CAMSAP2: variants seen among roughly 807,000 people sequenced by gnomAD.
CAMSAP2 encodes the protein calmodulin-regulated spectrin-associated protein 2.
A neutral mutation model predicts 146.1 loss-of-function variants in CAMSAP2; 26 were observed. The observed-to-expected ratio is 0.18, with a 90% CI of 0.13 to 0.25. CAMSAP2 has a LOEUF of 0.25. CAMSAP2 is among the 10% of genes least tolerant of loss of function. CAMSAP2 has a pLI of 1.00. For synonymous variants in CAMSAP2, 499 were observed against 596.6 expected (o/e 0.84, Z 2.38); for missense variants, 1,381 against 1,759.3 (o/e 0.78, Z 3.85).
intron 4 of CAMSAP2, among the ~76,000 whole-genome samples, chr1:200,830,468 C>T (rs553813987): frequency 3.4e-4 from 52 of 152,322 alleles, no homozygotes; most frequent in African/African-American, 1.2e-3. Context: ...AGGCTGAAAA[C>T]AAACTACTAG....
At chr1:200,845,637 C>G (rs963887122) in intron 8 of CAMSAP2, among the ~76,000 whole-genome samples, 1 of 152,152 alleles carries the variant, frequency 6.6e-6, no homozygotes, top group Non-Finnish European at 1.5e-5. Flanking sequence ...TCTCAGGCAT[C>G]TCTACATCCA....
intron 1 of CAMSAP2, among the ~76,000 whole-genome samples, chr1:200,747,986 C>CAAAAAA (rs901478330): frequency 2.0e-4 from 14 of 68,770 alleles, no homozygotes; most frequent in African/African-American, 4.3e-4. Context: ...GACTCCGTCT[C>CAAAAAA]AAAAAAAAAA....
chr1:200,740,490 G>T (rs1664131958), intron 1 of CAMSAP2, among the ~76,000 whole-genome samples: 1 of 152,202 alleles, frequency 6.6e-6, no homozygotes, highest in Non-Finnish European at 1.5e-5. Context: ...CTTTAAGGCT[G>T]TATCAGCCTT....
chr1:200,800,342 G>T (rs1666001940), intron 2 of CAMSAP2, among the ~76,000 whole-genome samples: 1 of 152,116 alleles, frequency 6.6e-6, no homozygotes, highest in African/African-American at 2.4e-5. Context: ...ATGAATCTGG[G>T]TGCTCCTGTA....
chr1:200,784,628 T>C (rs1462348627), intron 2 of CAMSAP2, among the ~76,000 whole-genome samples: 2 of 152,226 alleles, frequency 1.3e-5, no homozygotes, highest in African/African-American at 4.8e-5. Flanking sequence ...TATATACATT[T>C]ATTCCTAGTA....
intron 6 of CAMSAP2, among the ~76,000 whole-genome samples, chr1:200,838,179 A>G (rs1419945384): frequency 6.6e-6 from 1 of 152,168 alleles, no homozygotes; most frequent in Non-Finnish European, 1.5e-5. Flanking sequence ...GCCAAATAGT[A>G]CAATTAATGT....
At chr1:200,827,612 G>A (rs1001848743) in intron 4 of CAMSAP2, among the ~76,000 whole-genome samples, 8 of 151,900 alleles carry the variant, frequency 5.3e-5, no homozygotes, top group African/African-American at 1.9e-4. Flanking sequence ...GTAGGAAGCT[G>A]GTATGTTTCT....
rs965828458 is a variant in CAMSAP2, at chr1:200,856,005, A to T, written c.3897-5A>T. Reference sequence around the variant, plus strand: ...GACATAAAACATATTTTATTTTCTAATTAGATCAGAGTCTGTAGAAGGCTT... The same window carrying T: ...GACATAAAACATATTTTATTTTCTATTTAGATCAGAGTCTGTAGAAGGCTT... On this transcript the variant is annotated splice_polypyrimidine_tract_variant and splice_region_variant and intron_variant, in intron 14 of 16. Transcript: ENST00000358823. 3 of 1,585,850 alleles carry T rather than the reference A, an allele frequency of 1.9e-6. No individual in the cohort carries two copies. The highest frequency in any genetic ancestry group is 2.6e-6 in the Non-Finnish European group (3 of 1,156,756).
chr1:200,768,716 C>T (rs533614653), intron 2 of CAMSAP2, among the ~76,000 whole-genome samples: 9 of 152,094 alleles, frequency 5.9e-5, no homozygotes, highest in East Asian at 3.9e-4. Flanking sequence ...TGCAGTGGCG[C>T]GATCTCGGCT....
intron 2 of CAMSAP2, among the ~76,000 whole-genome samples, chr1:200,794,213 G>A (rs1367511547): frequency 6.6e-6 from 1 of 152,116 alleles, no homozygotes; most frequent in Non-Finnish European, 1.5e-5. Flanking sequence ...TAAAAACTAA[G>A]ATAAGATAAA....
intron 4 of CAMSAP2, among the ~76,000 whole-genome samples, chr1:200,824,686 A>AT (rs1433498467): frequency 6.6e-6 from 1 of 152,198 alleles, no homozygotes; most frequent in Non-Finnish European, 1.5e-5. Flanking sequence ...AATATGAAAA[A>AT]TAAACCTACT....
At chr1:200,760,816 A>AT in intron 1 of CAMSAP2, 23 bp from the exon 2 acceptor site, 1 of 1,512,136 alleles carries the variant, frequency 6.6e-7, no homozygotes, top group Non-Finnish European at 8.9e-7. Flanking sequence ...TTGTAAGAGA[A>AT]TTTTTTCCAT....
chr1:200,814,855 A>C (rs1666439866), intron 3 of CAMSAP2, among the ~76,000 whole-genome samples: 2 of 152,160 alleles, frequency 1.3e-5, no homozygotes, highest in South Asian at 4.1e-4. Flanking sequence ...GCCATGATTA[A>C]TAAATTTGAA....
chr1:200,743,940 C>CAATA (rs57009637), intron 1 of CAMSAP2, among the ~76,000 whole-genome samples: 8,718 of 147,652 alleles, frequency 0.059, 420 homozygotes, highest in East Asian at 0.25. Context: ...GACTCTGTCT[C>CAATA]AATAAATAAA....
chr1:200,793,810 AC>A (rs1665815699), intron 2 of CAMSAP2, among the ~76,000 whole-genome samples: 3 of 152,226 alleles, frequency 2.0e-5, no homozygotes, highest in Admixed American at 2.0e-4. Context: ...AATTAGCACT[AC>A]ATTAAGGTTG....
intron 7 of CAMSAP2, 50 bp from the exon 8 acceptor site, chr1:200,844,732 T>C: frequency 9.1e-7 from 1 of 1,100,692 alleles, no homozygotes; most frequent in Non-Finnish European, 1.3e-6. Context: ...CCAGAATTTT[T>C]CATAGAAATA....
chr1:200,742,863 G>A (rs1664218993), intron 1 of CAMSAP2, among the ~76,000 whole-genome samples: 1 of 151,904 alleles, frequency 6.6e-6, no homozygotes, highest in African/African-American at 2.4e-5. Context: ...AAACACTGAT[G>A]TTGTAATACC....
chr1:200,848,408 C>A lies in CAMSAP2; in HGVS notation c.1639C>A (p.Gln547Lys). 1 of 1,613,926 alleles carries A rather than the reference C, an allele frequency of 6.2e-7. No individual in the cohort carries two copies. Among genetic ancestry groups the A allele is most frequent in the Non-Finnish European group, 8.5e-7 (1 of 1,179,936 alleles). Residue 547 changes from glutamine to lysine, a missense_variant, in exon 11 of 17, where the codon CAA becomes AAA. By Grantham distance (53) the Gln-to-Lys change is moderately conservative. Coordinates refer to ENST00000358823, the MANE Select transcript of CAMSAP2 (RefSeq NM_203459.4). ...IETPSIEEAL[Q>K]IIHDTEKSPH... The stretch of plus-strand genomic sequence containing the variant: ...GACACCAAGCATTGAAGAAGCATTA[C>A]AAATAATTCATGATACTGAAAAATC...
chr1:200,857,496 C>T lies in CAMSAP2; in HGVS notation c.4131+72C>T, dbSNP rs1392927210. On this transcript the variant is annotated intron_variant, in intron 16 of 16. Coordinates refer to ENST00000358823, the MANE Select transcript of CAMSAP2 (RefSeq NM_203459.4). The surrounding 1 kb of genome is among the most constrained non-coding windows in gnomAD (Gnocchi z 4.7). ...TTTTATCCATTCAAGAGAATGTACT[C>T]TCATGGGCCTAGACTTTCAACAGCA... 20 of 1,025,446 alleles carry T rather than the reference C, an allele frequency of 2.0e-5. No individual in the cohort carries two copies. The highest frequency in any genetic ancestry group is 9.2e-5 in the South Asian group (7 of 76,004). The allele number at this position is 1,025,446 out of a possible 1,614,324, so 63.5% of individuals were successfully genotyped here.
Sources: allele counts gnomAD v4.1 joint callset (sites outside exome capture counted in the v4.1 genomes callset), GRCh38; gene constraint gnomAD v4.1.1; non-coding constraint Gnocchi (gnomAD v3.1); transcripts MANE v1.5; gene names NCBI Gene and HGNC (gene_info 2026-07-23, HGNC 2026-07-21).